AOPEP: variants seen among roughly 807,000 people sequenced by gnomAD.
AOPEP encodes aminopeptidase O (putative), also known as aminopeptidase O.
A neutral mutation model predicts 98.1 loss-of-function variants in AOPEP; 77 were observed. That is an observed-to-expected ratio of 0.78 (90% confidence interval 0.65 to 0.95). The LOEUF (loss-of-function observed/expected upper bound fraction) is 0.95. Ranked by LOEUF, AOPEP falls within the 40% of genes least tolerant of loss-of-function variation. The probability of loss-of-function intolerance (pLI) is 0.00; values close to 1 mark genes in which losing one functional copy is unlikely to be tolerated. For synonymous variants in AOPEP, 346 were observed against 365.3 expected, an observed-to-expected ratio of 0.95 and a Z score of 0.60; for missense variants, 1,024 against 1,024.7, an observed-to-expected ratio of 1.00 and a Z score of 0.01.
the AOPEP span, among the ~76,000 whole-genome samples, chr9:95,113,474 A>G: frequency 2.0e-5 from 3 of 152,190 alleles, no homozygotes; most frequent in African/African-American, 7.2e-5. Context: ...AATCACACAC[A>G]TAAGAGGGTA....
chr9:94,867,010 A>G (rs916651583), intron 5 of AOPEP, among the ~76,000 whole-genome samples: 2 of 152,230 alleles, frequency 1.3e-5, no homozygotes, highest in African/African-American at 2.4e-5. Context: ...AGATCTAATT[A>G]TGATGCTATG....
At chr9:94,825,545 TC>T (rs1304268344) in intron 5 of AOPEP, among the ~76,000 whole-genome samples, 1 of 152,240 alleles carries the variant, frequency 6.6e-6, no homozygotes, top group Non-Finnish European at 1.5e-5. Context: ...AACATTCCCT[TC>T]CAGGGGAGCG....
intron 13 of AOPEP, among the ~76,000 whole-genome samples, chr9:95,030,804 C>T (rs1249202103): frequency 6.6e-6 from 1 of 152,218 alleles, no homozygotes; most frequent in African/African-American, 2.4e-5. Flanking sequence ...GGAAGATGAG[C>T]TTCAAGGTTC....
chr9:95,104,211 G>A, the AOPEP span, among the ~76,000 whole-genome samples: 4 of 152,210 alleles, frequency 2.6e-5, no homozygotes, highest in Non-Finnish European at 5.9e-5. Flanking sequence ...CCACCGCAGC[G>A]AAGGCTTCTC....
At chr9:94,960,207 C>A (rs947696697) in intron 9 of AOPEP, among the ~76,000 whole-genome samples, 8 of 151,866 alleles carry the variant, frequency 5.3e-5, no homozygotes, top group Admixed American at 3.9e-4. Flanking sequence ...GTCAGGAGTT[C>A]GAGACCAGCC....
At chr9:94,848,224 G>C (rs770249323) in intron 5 of AOPEP, among the ~76,000 whole-genome samples, 5 of 152,024 alleles carry the variant, frequency 3.3e-5, no homozygotes, top group Admixed American at 6.5e-5. Context: ...AGGCCAAGGC[G>C]GGCGGGTCAC....
At chr9:94,916,794 CCT>C (rs2052896020) in intron 5 of AOPEP, among the ~76,000 whole-genome samples, 1 of 151,864 alleles carries the variant, frequency 6.6e-6, no homozygotes, top group Admixed American at 6.6e-5. Context: ...GGGTGTGTCC[CCT>C]GACAACCAAA....
chr9:94,805,647 G>A (rs2133856182), intron 5 of AOPEP, among the ~76,000 whole-genome samples: 1 of 152,102 alleles, frequency 6.6e-6, no homozygotes, highest in Non-Finnish European at 1.5e-5. Context: ...ATTCTTAAAA[G>A]GTTTGATTGT....
intron 13 of AOPEP, among the ~76,000 whole-genome samples, chr9:95,043,287 T>C (rs2065524032): frequency 6.6e-6 from 1 of 150,920 alleles, no homozygotes; most frequent in Non-Finnish European, 1.5e-5. Context: ...TATGTACAGA[T>C]ACATCTGTAT....
intron 1 of AOPEP, among the ~76,000 whole-genome samples, chr9:94,741,416 G>T (rs1392470266): frequency 6.6e-6 from 1 of 151,948 alleles, no homozygotes; most frequent in Non-Finnish European, 1.5e-5. Flanking sequence ...GGGACTACAG[G>T]CGCCCGCCAC....
chr9:95,013,697 T>C (rs6479589), intron 13 of AOPEP, among the ~76,000 whole-genome samples: 140,452 of 152,214 alleles, frequency 0.92, 65,094 homozygotes, highest in Middle Eastern at 0.98. Flanking sequence ...GCTATAGTCC[T>C]GGTTTTTTGC....
chr9:94,990,135 C>T lies in AOPEP; in HGVS notation c.1977+10708C>T, dbSNP rs555028639. Among the ~76,000 whole-genome samples the T allele has an allele frequency of 1.7e-4, 26 of 152,240 alleles. No individual in the cohort carries two copies. The South Asian group carries it at 3.7e-3, about 22-fold the overall frequency. ...TTGATGTCTTGTGTTTGCCATGTTC[C>T]GCTGGGAGGCTAAATCTGTAAGAAA... On this transcript the variant is annotated intron_variant, in intron 11 of 16. Coordinates refer to ENST00000375315, the MANE Select transcript of AOPEP (RefSeq NM_001193329.3).
the AOPEP span, among the ~76,000 whole-genome samples, chr9:95,139,112 T>C: frequency 6.6e-6 from 1 of 152,246 alleles, no homozygotes; most frequent in Admixed American, 6.5e-5. Context: ...ATTTGTGTTC[T>C]ACCTGGTGGT....
chr9:95,139,520 C>T, the AOPEP span, among the ~76,000 whole-genome samples: 13 of 152,198 alleles, frequency 8.5e-5, no homozygotes, highest in East Asian at 2.3e-3. Context: ...TGTGCACCCA[C>T]GGGGATGGCG....
chr9:94,966,154 A>G (rs998705655), intron 9 of AOPEP, among the ~76,000 whole-genome samples: 5 of 147,264 alleles, frequency 3.4e-5, no homozygotes, highest in African/African-American at 1.3e-4. Context: ...TCTGCAGTTC[A>G]CTGGGTGTCA....
chr9:95,126,584 G>A, the AOPEP span: 1 of 1,613,968 alleles, frequency 6.2e-7, no homozygotes, highest in South Asian at 1.1e-5. Flanking sequence ...GCTTGAGGCT[G>A]TAAAAGGAGA....
rs771171692 is a variant in AOPEP at position 94,980,613 on chromosome 9, G to A, written c.1977+1186G>A. 2.6e-5 allele frequency among the ~76,000 whole-genome samples: 4 copies of A among 152,232 alleles called. No individual in the cohort carries two copies. The highest frequency in any genetic ancestry group is 4.8e-5 in the African/African-American group (2 of 41,454). On this transcript the variant is annotated intron_variant, in intron 11 of 16. Coordinates refer to ENST00000375315, the MANE Select transcript of AOPEP (RefSeq NM_001193329.3). This position sits in a 1 kb window ranked among gnomAD's most constrained non-coding sequence, Gnocchi z 4.3. Reference sequence around the variant, plus strand: ...CCTAAAAAAGGACAGTTTGCCTTCAGTTCAGGAATGTGTGTCACCTGTTAC... The same window carrying A: ...CCTAAAAAAGGACAGTTTGCCTTCAATTCAGGAATGTGTGTCACCTGTTAC...
At chr9:95,128,664 G>C in the AOPEP span, among the ~76,000 whole-genome samples, 1 of 152,334 alleles carries the variant, frequency 6.6e-6, no homozygotes, top group East Asian at 1.9e-4. Context: ...TCTGTGCGCT[G>C]TTTTCTAGCA....
intron 6 of AOPEP, among the ~76,000 whole-genome samples, chr9:94,925,345 AC>A: frequency 6.6e-6 from 1 of 152,278 alleles, no homozygotes; most frequent in African/African-American, 2.4e-5. Context: ...TCCCTTATAC[AC>A]TGGACTATTT....
Sources: allele counts gnomAD v4.1 joint callset (sites outside exome capture counted in the v4.1 genomes callset), GRCh38; gene constraint gnomAD v4.1.1; non-coding constraint Gnocchi (gnomAD v3.1); transcripts MANE v1.5; gene names NCBI Gene and HGNC (gene_info 2026-07-23, HGNC 2026-07-21).